PATJ: variants seen among roughly 807,000 people sequenced by gnomAD.
The protein encoded by PATJ is inaD-like protein.
In PATJ, 190 loss-of-function variants were observed where a neutral mutation model predicts 224.9. The ratio of observed to expected loss-of-function variants is 0.84; its 90% CI spans 0.75 to 0.95. The LOEUF is 0.95. Among genes scored for constraint, PATJ ranks in the 40% least tolerant of loss-of-function variants. The pLI, the probability that PATJ is intolerant of heterozygous loss-of-function variation, is 0.00. For synonymous variants in PATJ, 769 were observed against 820.3 expected, an observed-to-expected ratio of 0.94 and a Z score of 1.07; for missense variants, 2,121 against 2,270.3, an observed-to-expected ratio of 0.93 and a Z score of 1.34.
At chr1:61,742,607 C>G (rs1247545417) in intron 1 of PATJ, 52 bp downstream of exon 1, 1 of 152,150 alleles carries the variant, frequency 6.6e-6, no homozygotes, top group Non-Finnish European at 1.5e-5. Flanking sequence ...TGGGTGTCCC[C>G]GCGCCTGGAG....
At chr1:61,777,444 C>G (rs1189270541) in intron 7 of PATJ, among the ~76,000 whole-genome samples, 4 of 151,846 alleles carry the variant, frequency 2.6e-5, no homozygotes, top group African/African-American at 9.7e-5. Flanking sequence ...ACTTGGGAGG[C>G]TGAGGTGGGA....
chr1:62,071,813 A>AG (rs1430969290), intron 31 of PATJ, among the ~76,000 whole-genome samples: 1 of 152,130 alleles, frequency 6.6e-6, no homozygotes, highest in Admixed American at 6.5e-5. Context: ...TAAGTTGAAG[A>AG]GCTAGGATCA....
intron 43 of PATJ, among the ~76,000 whole-genome samples, chr1:62,158,393 G>A (rs1297263074): frequency 6.7e-6 from 1 of 148,598 alleles, no homozygotes; most frequent in African/African-American, 2.4e-5. Flanking sequence ...AGCACTTTGG[G>A]AGGCTGAGGC....
intron 27 of PATJ, among the ~76,000 whole-genome samples, chr1:61,943,161 A>AACAGCTCCAGTCT (rs1678075412): frequency 6.6e-6 from 1 of 152,198 alleles, no homozygotes; most frequent in Admixed American, 6.5e-5. Context: ...GCCGAATAGG[A>AACAGCTCCAGTCT]ACAGCTCCAG....
rs188655212 is a variant in PATJ, at chr1:62,121,127, T to G, written c.4891-54T>G. 134 of 1,121,844 alleles carry G rather than the reference T, an allele frequency of 1.2e-4. 2 individuals carry two copies. Among genetic ancestry groups the G allele is most frequent in the Non-Finnish European group, 1.7e-4 (130 of 752,390 alleles). 69.5% of individuals were successfully genotyped at this position (1,121,844 alleles called of 1,614,324 possible). The stretch of plus-strand genomic sequence containing the variant: ...GGCACACTAATGGATAAGTATGCAT[T>G]TAGGGGGTCAAGTCAGTGTCTGCAC... On this transcript the variant is annotated intron_variant, in intron 37 of 43. Transcript: ENST00000642238.
chr1:61,923,016 C>T (rs1674556809), intron 26 of PATJ, among the ~76,000 whole-genome samples: 2 of 152,204 alleles, frequency 1.3e-5, no homozygotes, highest in African/African-American at 4.8e-5. Context: ...ATGTGTGATT[C>T]TTATCAACTT....
At chr1:61,746,267 C>G (rs1308458731) in intron 1 of PATJ, among the ~76,000 whole-genome samples, 2 of 152,116 alleles carry the variant, frequency 1.3e-5, no homozygotes, top group Non-Finnish European at 1.5e-5. Context: ...TTAGTAGAGA[C>G]TGTGTCTCGT....
intron 29 of PATJ, among the ~76,000 whole-genome samples, chr1:62,021,371 G>A (rs532302877): frequency 6.6e-6 from 1 of 152,234 alleles, no homozygotes; most frequent in South Asian, 2.1e-4. Flanking sequence ...TGGTGATTAG[G>A]TTTCAACAAA....
intron 39 of PATJ, among the ~76,000 whole-genome samples, chr1:62,124,067 A>G (rs1175827169): frequency 6.6e-6 from 1 of 151,926 alleles, no homozygotes; most frequent in Non-Finnish European, 1.5e-5. Flanking sequence ...ATATCTAATG[A>G]AAGTAGACTC....
At chr1:61,768,721 GA>G (rs1322542962) in intron 4 of PATJ, among the ~76,000 whole-genome samples, 2 of 151,248 alleles carry the variant, frequency 1.3e-5, no homozygotes, top group African/African-American at 4.9e-5. Flanking sequence ...GCAACATGGC[GA>G]AACCCCGTCT....
At chr1:61,951,359 C>T (rs1177304041) in intron 27 of PATJ, among the ~76,000 whole-genome samples, 2 of 151,714 alleles carry the variant, frequency 1.3e-5, no homozygotes, top group Non-Finnish European at 2.9e-5. Context: ...TTGTTTAATA[C>T]CTTTTGAGTA....
In PATJ at chr1:62,153,420, T is replaced by C; in HGVS notation, c.5441T>C (p.Val1814Ala). The C allele has an allele frequency of 8.1e-7, 1 of 1,231,490 alleles. No homozygotes were observed. 76.3% of individuals were successfully genotyped at this position (1,231,490 alleles called of 1,614,324 possible). ...TCTGAAGGCTTGGGGTTTAGTATTG[T>C]AGGGGGTTATGGAAGTCCCCATGGA... ...KGSEGLGFSIVGGYGSPHGDL... is the reference protein window; with the variant it reads ...KGSEGLGFSIAGGYGSPHGDL... Residue 1814 changes from valine (V) to alanine (A), a missense_variant, in exon 43 of 44, where the codon GTA (valine) becomes GCA (alanine). Physicochemically the swap from Val to Ala is moderately conservative, Grantham distance 64 (BLOSUM62 0). Coordinates refer to ENST00000642238, the MANE Select transcript of PATJ (RefSeq NM_001350145.3).
At chr1:62,072,580 G>A (rs55725347) in intron 31 of PATJ, 44,038 of 151,344 alleles carry the variant, frequency 0.29, 7,385 homozygotes, top group Non-Finnish European at 0.4. Context: ...GTATCGATAT[G>A]GTGACCTCCT....
chr1:61,978,734 A>C (rs181773479), intron 27 of PATJ, among the ~76,000 whole-genome samples: 17 of 152,176 alleles, frequency 1.1e-4, no homozygotes, highest in African/African-American at 4.1e-4. Flanking sequence ...TGATGTATAG[A>C]AGAGTGTTTT....
intron 31 of PATJ, among the ~76,000 whole-genome samples, chr1:62,070,665 A>G (rs1298969168): frequency 6.6e-6 from 1 of 152,210 alleles, no homozygotes; most frequent in Non-Finnish European, 1.5e-5. Context: ...ATTTTATATC[A>G]TATCATCTGT....
At chr1:62,001,452 T>A (rs1645766262) in intron 28 of PATJ, among the ~76,000 whole-genome samples, 1 of 149,694 alleles carries the variant, frequency 6.7e-6, no homozygotes, top group African/African-American at 2.5e-5. Context: ...AGGGAATCCT[T>A]TCCCCATTGC....
chr1:62,097,819 C>G (rs575296906), intron 33 of PATJ, among the ~76,000 whole-genome samples: 1 of 152,110 alleles, frequency 6.6e-6, no homozygotes, highest in African/African-American at 2.4e-5. Context: ...TCAACCTATG[C>G]GAGTTAGGAT....
intron 25 of PATJ, among the ~76,000 whole-genome samples, chr1:61,911,044 A>T (rs548585312): frequency 5.9e-5 from 9 of 152,322 alleles, no homozygotes; most frequent in African/African-American, 2.2e-4. Flanking sequence ...CCCCAAAATA[A>T]GTCATTTTCT....
chr1:61,985,386 A>G (rs755871395), intron 27 of PATJ, among the ~76,000 whole-genome samples: 1 of 152,072 alleles, frequency 6.6e-6, no homozygotes, highest in Admixed American at 6.5e-5. Context: ...GATATTGATA[A>G]GGGAACCAAT....
Sources: gnomAD v4.1 joint callset for allele counts (sites outside exome capture counted in the v4.1 genomes callset) on GRCh38, gnomAD v4.1.1 for gene constraint, MANE v1.5 for transcripts, NCBI Gene and HGNC (gene_info 2026-07-23, HGNC 2026-07-21) for gene names.